Variants in DENND1A observed in about 807,000 individuals in gnomAD.
DENND1A encodes the protein DENN domain-containing protein 1A.
A neutral mutation model predicts 113.7 loss-of-function variants in DENND1A; 51 were observed. That is an observed-to-expected ratio of 0.45 (90% CI 0.36 to 0.57). DENND1A has a LOEUF of 0.57. Among genes scored for constraint, DENND1A ranks in the 20% least tolerant of loss-of-function variants. The pLI is 0.00. For synonymous variants in DENND1A, 565 were observed against 570.8 expected (o/e 0.99, Z 0.14); for missense variants, 1,258 against 1,395.9 (o/e 0.90, Z 1.57).
chr9:123,508,952 A>C (rs1243390292), intron 13 of DENND1A, among the ~76,000 whole-genome samples: 1 of 152,234 alleles, frequency 6.6e-6, no homozygotes, highest in African/African-American at 2.4e-5. Context: ...AATACAAAAT[A>C]AAATTATGAC....
At chr9:123,609,681 T>A (rs912690338) in intron 10 of DENND1A, among the ~76,000 whole-genome samples, 200 bp from the exon 11 acceptor site, 30 of 152,184 alleles carry the variant, frequency 2.0e-4, no homozygotes, top group Non-Finnish European at 2.9e-5. Flanking sequence ...GTGGGCAGCA[T>A]TGGAAACAGC....
chr9:123,447,452 G>C (rs75170613), intron 18 of DENND1A, among the ~76,000 whole-genome samples: 12,166 of 152,228 alleles, frequency 0.08, 542 homozygotes, highest in Middle Eastern at 0.14. Context: ...AAGCGTTGGA[G>C]AAGGGGCCCA....
At chr9:123,413,673 T>G (rs770966851) in intron 19 of DENND1A, 2 of 985,500 alleles carry the variant, frequency 2.0e-6, no homozygotes, top group Non-Finnish European at 2.4e-6. Context: ...TCCCAGATCC[T>G]ATGCCATTAG....
chr9:123,843,329 G>A (rs1259169275), intron 2 of DENND1A: 4 of 374,988 alleles, frequency 1.1e-5, no homozygotes, highest in Admixed American at 4.0e-5. Flanking sequence ...TGTAATTTTT[G>A]TTCTATATGG....
chr9:123,818,020 C>T (rs1283711915), intron 2 of DENND1A, among the ~76,000 whole-genome samples: 4 of 150,568 alleles, frequency 2.7e-5, no homozygotes, highest in Admixed American at 6.6e-5. Context: ...GAGTGAGACT[C>T]CGTTAAAAAA....
chr9:123,919,621 C>T (rs539071465), intron 1 of DENND1A, among the ~76,000 whole-genome samples: 1 of 152,062 alleles, frequency 6.6e-6, no homozygotes, highest in East Asian at 1.9e-4. Flanking sequence ...GTGGCTCACA[C>T]CTGTAATCCC....
chr9:123,571,416 C>T (rs1368772746), intron 12 of DENND1A, among the ~76,000 whole-genome samples: 1 of 152,242 alleles, frequency 6.6e-6, no homozygotes, highest in Non-Finnish European at 1.5e-5. Context: ...CAGAACAGTT[C>T]CTTCACCACA....
intron 3 of DENND1A, among the ~76,000 whole-genome samples, chr9:123,770,458 T>C (rs2131636526): frequency 6.6e-6 from 1 of 152,318 alleles, no homozygotes. Flanking sequence ...ACACATTTCA[T>C]ATATATAGCA....
chr9:123,507,934 T>C (rs2053112762), intron 13 of DENND1A, among the ~76,000 whole-genome samples: 1 of 152,244 alleles, frequency 6.6e-6, no homozygotes, highest in Non-Finnish European at 1.5e-5. Context: ...TTTGACTTTA[T>C]TCAGTTCCTC....
intron 5 of DENND1A, among the ~76,000 whole-genome samples, chr9:123,708,362 G>A (rs2140886698): frequency 6.6e-6 from 1 of 152,180 alleles, no homozygotes; most frequent in East Asian, 1.9e-4. Context: ...GAATTGAGAG[G>A]TGATCAAAGG....
At chr9:123,478,598 G>A (rs955381218) in intron 13 of DENND1A, among the ~76,000 whole-genome samples, 1 of 152,164 alleles carries the variant, frequency 6.6e-6, no homozygotes, top group African/African-American at 2.4e-5. Context: ...AATGGTTTAC[G>A]GTAAAGTGTA....
At chr9:123,676,454 G>A (rs926715659) in intron 6 of DENND1A, among the ~76,000 whole-genome samples, 3 of 152,070 alleles carry the variant, frequency 2.0e-5, no homozygotes, top group East Asian at 1.9e-4. Flanking sequence ...CTCTGTGAAC[G>A]TTAAGGGTCT....
chr9:123,875,878 A>T (rs1294241346), intron 2 of DENND1A, among the ~76,000 whole-genome samples: 1 of 152,182 alleles, frequency 6.6e-6, no homozygotes, highest in Non-Finnish European at 1.5e-5. Context: ...GACAAAGCAG[A>T]TCCTTCTAAA....
intron 13 of DENND1A, among the ~76,000 whole-genome samples, chr9:123,461,733 C>T (rs1010827596): frequency 4.6e-5 from 7 of 152,198 alleles, no homozygotes; most frequent in African/African-American, 7.2e-5. Flanking sequence ...TGTGTGCTCA[C>T]GGGAGGTGAT....
In DENND1A at chr9:123,609,410, T is replaced by C. The variant is rs772289247; in HGVS notation, c.765+26A>G. On this transcript the variant is annotated intron_variant, in intron 11 of 23. Transcript: ENST00000394215. ...TGAAACAAAGCCCCAGGTAGAGCCATCTGGGGAGGAAAGAAGCCAACTTAC... is the reference window on the plus strand; with the variant it reads ...TGAAACAAAGCCCCAGGTAGAGCCACCTGGGGAGGAAAGAAGCCAACTTAC... 3.7e-6 allele frequency: 6 copies of C among 1,611,496 alleles called. No individual in the cohort carries two copies. The South Asian group carries it at 6.6e-5, about 18-fold the overall frequency.
chr9:123,674,667 T>A (rs2063956586), intron 6 of DENND1A, among the ~76,000 whole-genome samples: 2 of 152,120 alleles, frequency 1.3e-5, no homozygotes, highest in South Asian at 4.1e-4. Flanking sequence ...CAGTCCGACA[T>A]CCCAAGAGGC....
intron 21 of DENND1A, among the ~76,000 whole-genome samples, chr9:123,389,179 C>T (rs1369215844): frequency 6.6e-6 from 1 of 152,270 alleles, no homozygotes; most frequent in African/African-American, 2.4e-5. Flanking sequence ...TGTGCCTGCA[C>T]TTTGCTGCAA....
intron 10 of DENND1A, among the ~76,000 whole-genome samples, chr9:123,627,258 C>G (rs1296497604): frequency 6.6e-6 from 1 of 152,170 alleles, no homozygotes; most frequent in African/African-American, 2.4e-5. Flanking sequence ...GTGGCAAGGC[C>G]AGGGAAGCAA....
chr9:123,565,455 G>T (rs2058002541), intron 12 of DENND1A, among the ~76,000 whole-genome samples: 2 of 152,162 alleles, frequency 1.3e-5, no homozygotes, highest in Non-Finnish European at 2.9e-5. Flanking sequence ...TAACTGCTGG[G>T]TGTCACAGTT....
Sources: allele counts gnomAD v4.1 joint callset (sites outside exome capture counted in the v4.1 genomes callset), GRCh38; gene constraint gnomAD v4.1.1; transcripts MANE v1.5; gene names NCBI Gene and HGNC (gene_info 2026-07-23, HGNC 2026-07-21).